The following ZFPM2 variants were observed in gnomAD, a reference collection of about 807,000 sequenced individuals.
ZFPM2 encodes the protein zinc finger protein, FOG family member 2, also known as zinc finger protein ZFPM2.
In ZFPM2, 20 loss-of-function variants were observed where a neutral mutation model predicts 98.6. The ratio of observed to expected loss-of-function variants is 0.20; its 90% CI spans 0.14 to 0.29. ZFPM2 has a LOEUF of 0.29. Among genes scored for constraint, ZFPM2 ranks in the 10% least tolerant of loss-of-function variants. The pLI is 1.00. For synonymous variants in ZFPM2, 518 were observed against 502.7 expected (o/e 1.03, Z -0.41); for missense variants, 1,310 against 1,388.6 (o/e 0.94, Z 0.90).
intron 4 of ZFPM2, among the ~76,000 whole-genome samples, chr8:105,562,358 G>A (rs1472892583): frequency 7.1e-6 from 1 of 141,834 alleles, no homozygotes; most frequent in Non-Finnish European, 1.6e-5. Flanking sequence ...ATAAATAAAT[G>A]GAAAGGTAGG....
chr8:105,694,986 T>C (rs749922556), intron 5 of ZFPM2, among the ~76,000 whole-genome samples: 1 of 152,140 alleles, frequency 6.6e-6, no homozygotes, highest in Non-Finnish European at 1.5e-5. Flanking sequence ...CTTTTTAAGA[T>C]AACCCTCTAA....
chr8:105,474,527 T>C (rs1368861008), intron 3 of ZFPM2, among the ~76,000 whole-genome samples: 29 of 152,118 alleles, frequency 1.9e-4, no homozygotes, highest in Admixed American at 1.9e-3. Context: ...TTCCTGTCTT[T>C]TCATAAGGTA....
At chr8:105,368,664 C>G (rs1455117752) in intron 1 of ZFPM2, among the ~76,000 whole-genome samples, 1 of 152,074 alleles carries the variant, frequency 6.6e-6, no homozygotes, top group Non-Finnish European at 1.5e-5. Context: ...CTCTTGACCT[C>G]CCTTATGAAA....
intron 1 of ZFPM2, among the ~76,000 whole-genome samples, chr8:105,369,380 GA>G (rs1034229255): frequency 6.6e-6 from 1 of 152,036 alleles, no homozygotes; most frequent in Non-Finnish European, 1.5e-5. Flanking sequence ...TACTCAGTAG[GA>G]AAAAATGGTG....
At chr8:105,762,784 A>G (rs1001021089) in intron 5 of ZFPM2, among the ~76,000 whole-genome samples, 3 of 152,002 alleles carry the variant, frequency 2.0e-5, no homozygotes, top group African/African-American at 7.2e-5. Flanking sequence ...GGATATAAAC[A>G]AATCCAGACT....
At chr8:105,587,745 A>G (rs545220353) in intron 4 of ZFPM2, among the ~76,000 whole-genome samples, 2 of 152,262 alleles carry the variant, frequency 1.3e-5, no homozygotes, top group African/African-American at 4.8e-5. Context: ...GTGTTTCTCA[A>G]CCTTGGTGCT....
rs1463088151 is a variant in ZFPM2 at position 105,344,236 on chromosome 8, A to G, written c.40+25255A>G. ...GGTGGGGACACAGCCAAACCATATC[A>G]CCTATCAAATCCTTATTATCATTAT... is the stretch of plus-strand genomic sequence containing the variant. On this transcript the variant is annotated intron_variant, in intron 1 of 7. Transcript: ENST00000407775. Among the ~76,000 whole-genome samples, 3 of 152,006 alleles carry G rather than the reference A, an allele frequency of 2.0e-5. No individual in the cohort carries two copies. The East Asian group carries it at 5.8e-4, about 29-fold the overall frequency.
chr8:105,549,472 G>C (rs1814790884), intron 3 of ZFPM2, among the ~76,000 whole-genome samples: 1 of 149,478 alleles, frequency 6.7e-6, no homozygotes, highest in South Asian at 2.1e-4. Context: ...GTTATTCTTG[G>C]GAAGAAAAGC....
intron 7 of ZFPM2, among the ~76,000 whole-genome samples, chr8:105,800,004 C>G (rs1813952948): frequency 6.6e-6 from 1 of 151,872 alleles, no homozygotes; most frequent in Admixed American, 6.6e-5. Flanking sequence ...GATAATAAAG[C>G]AGGGGAAGCA....
At position 105,433,053 on chromosome 8, in the gene ZFPM2, G is replaced by A. The variant is rs570915524; in HGVS notation, c.200-11227G>A. 3.3e-5 allele frequency among the ~76,000 whole-genome samples: 5 copies of A among 152,134 alleles called. No individual in the cohort carries two copies. In the East Asian group the frequency reaches 7.7e-4, roughly 24 times the overall value. Reference sequence around the variant, plus strand: ...AGTTCAAGGTTACAGTGAACTGATTGCATTGTTGCACTCCAGCTTTGGCAA... The same window carrying A: ...AGTTCAAGGTTACAGTGAACTGATTACATTGTTGCACTCCAGCTTTGGCAA... On this transcript the variant is annotated intron_variant, in intron 2 of 7. Transcript: ENST00000407775.
At chr8:105,780,295 A>T (rs1470060852) in intron 5 of ZFPM2, 1 of 152,212 alleles carries the variant, frequency 6.6e-6, no homozygotes, top group Admixed American at 6.5e-5. Context: ...TAAAGATTTC[A>T]TGCCCATGCA....
chr8:105,437,832 C>T (rs1290784932), intron 2 of ZFPM2, among the ~76,000 whole-genome samples: 1 of 152,118 alleles, frequency 6.6e-6, no homozygotes, highest in African/African-American at 2.4e-5. Flanking sequence ...CACCAGAGGT[C>T]AGGAGTTCGT....
chr8:105,662,939 C>T (rs1390701591), intron 5 of ZFPM2: 2 of 152,040 alleles, frequency 1.3e-5, no homozygotes, highest in Admixed American at 6.6e-5. Flanking sequence ...TCCGGCACTC[C>T]ACCTGCAATG....
intron 3 of ZFPM2, among the ~76,000 whole-genome samples, chr8:105,531,244 C>G (rs557200922): frequency 6.6e-6 from 1 of 152,216 alleles, no homozygotes; most frequent in East Asian, 1.9e-4. Context: ...GGCTAAAATA[C>G]AAAAGAAATC....
intron 3 of ZFPM2, among the ~76,000 whole-genome samples, chr8:105,487,721 A>C (rs1270691843): frequency 6.6e-6 from 1 of 152,168 alleles, no homozygotes; most frequent in Non-Finnish European, 1.5e-5. Flanking sequence ...AAAAAACTCT[A>C]TAGAATAAAT....
At chr8:105,327,278 A>C (rs1381064117) in intron 1 of ZFPM2, among the ~76,000 whole-genome samples, 1 of 151,782 alleles carries the variant, frequency 6.6e-6, no homozygotes, top group South Asian at 2.1e-4. Context: ...AAATTTGCAA[A>C]ATTTTAAAAA....
chr8:105,581,649 C>T (rs533535216), intron 4 of ZFPM2, among the ~76,000 whole-genome samples: 108 of 152,200 alleles, frequency 7.1e-4, no homozygotes, highest in Non-Finnish European at 1.1e-3. Flanking sequence ...AATAATAAAA[C>T]GGCAATTTTC....
chr8:105,393,330 C>CTGTCTA (rs1245789213), intron 1 of ZFPM2, among the ~76,000 whole-genome samples: 1 of 132,834 alleles, frequency 7.5e-6, no homozygotes, highest in Non-Finnish European at 1.6e-5. Flanking sequence ...CCCTCTCTCT[C>CTGTCTA]TCTTTGCCTT....
intron 3 of ZFPM2, among the ~76,000 whole-genome samples, chr8:105,547,501 C>G (rs1814734741): frequency 1.6e-5 from 2 of 128,696 alleles, no homozygotes; most frequent in African/African-American, 6.1e-5. Flanking sequence ...AAGATCACAC[C>G]ATTGCACTCC....
Sources: allele counts gnomAD v4.1 joint callset (sites outside exome capture counted in the v4.1 genomes callset), GRCh38; gene constraint gnomAD v4.1.1; transcripts MANE v1.5; gene names NCBI Gene and HGNC (gene_info 2026-07-23, HGNC 2026-07-21).